Variants in ROBO1 observed in about 807,000 individuals in gnomAD.
The protein encoded by ROBO1 is roundabout homolog 1.
In ROBO1, 149 loss-of-function variants were observed where a neutral mutation model predicts 195.9. That is an observed-to-expected ratio of 0.76 (90% confidence interval 0.67 to 0.87). ROBO1 has a LOEUF of 0.87. Among genes scored for constraint, ROBO1 ranks in the 40% least tolerant of loss-of-function variants. The pLI is 0.00. For synonymous variants in ROBO1, 816 were observed against 733.2 expected (o/e 1.11, Z -1.82); for missense variants, 1,933 against 2,068.3 (o/e 0.93, Z 1.27).
chr3:78,661,123 T>G lies in ROBO1; in HGVS notation c.2227A>C (p.Lys743Gln). The change falls in exon 16 of 31, where the codon AAG becomes CAG. Residue 743 changes from lysine to glutamine, a missense_variant. Around this residue, in one of 3 missense-constraint regions of ROBO1, gnomAD observed 1,737 missense variants for 1,882.5 expected, o/e 0.92. Transcript: ENST00000464233. The part of the protein sequence containing the change: ...KNSVVIPDLR[K>Q]GVNYEIKARP... ...GCCTTAATTTCATAGTTGACTCCCT[T>G]TCTGAGATCAGGGATTACCACACTG... The G allele has an allele frequency of 6.2e-7, 1 of 1,613,818 alleles. No individual in the cohort carries two copies. Among genetic ancestry groups the G allele is most frequent in the Non-Finnish European group, 8.5e-7 (1 of 1,179,832 alleles).
At chr3:79,095,840 T>C (rs2079557035) in intron 3 of ROBO1, among the ~76,000 whole-genome samples, 1 of 152,042 alleles carries the variant, frequency 6.6e-6, no homozygotes, top group Non-Finnish European at 1.5e-5. Context: ...TTTATGTGAC[T>C]CTTGGAGGTT....
At chr3:78,973,791 A>G (rs1435640693) in intron 3 of ROBO1, among the ~76,000 whole-genome samples, 1 of 151,828 alleles carries the variant, frequency 6.6e-6, no homozygotes, top group African/African-American at 2.4e-5. Flanking sequence ...AATATCGCAT[A>G]TTTATCATAT....
chr3:79,460,350 C>G (rs1230300207), intron 2 of ROBO1, among the ~76,000 whole-genome samples: 1 of 152,134 alleles, frequency 6.6e-6, no homozygotes. Context: ...AAATCTATTA[C>G]CTATCTAACA....
intron 3 of ROBO1, among the ~76,000 whole-genome samples, chr3:79,058,267 C>T (rs1235225946): frequency 1.3e-5 from 2 of 152,036 alleles, no homozygotes; most frequent in Non-Finnish European, 2.9e-5. Flanking sequence ...AACAATTGCT[C>T]CTCTGGCCAA....
intron 4 of ROBO1, among the ~76,000 whole-genome samples, chr3:78,801,834 A>G (rs1439036448): frequency 6.6e-6 from 1 of 152,192 alleles, no homozygotes; most frequent in Non-Finnish European, 1.5e-5. Context: ...TTTGTGGGAC[A>G]TTTACAAATG....
chr3:79,147,875 AT>A (rs1276449859), intron 2 of ROBO1, among the ~76,000 whole-genome samples: 2 of 151,944 alleles, frequency 1.3e-5, no homozygotes, highest in Non-Finnish European at 2.9e-5. Context: ...GTAAAACCAG[AT>A]TTTAATTCTC....
At chr3:79,625,413 T>C (rs1283239051) in intron 1 of ROBO1, among the ~76,000 whole-genome samples, 2 of 38,150 alleles carry the variant, frequency 5.2e-5, no homozygotes, top group African/African-American at 1.1e-4. Context: ...ATCCAGTAGC[T>C]GTTTTTTTTG....
chr3:78,761,225 A>T (rs2083095778), intron 4 of ROBO1, among the ~76,000 whole-genome samples: 1 of 148,564 alleles, frequency 6.7e-6, no homozygotes, highest in Admixed American at 6.9e-5. Context: ...CAACTTGTTT[A>T]AAAAACTATA....
At chr3:79,239,108 T>C (rs937129562) in intron 2 of ROBO1, among the ~76,000 whole-genome samples, 5 of 152,156 alleles carry the variant, frequency 3.3e-5, no homozygotes, top group African/African-American at 1.2e-4. Flanking sequence ...AACCAGTAGG[T>C]CTGAATTATG....
At chr3:78,849,348 T>C (rs539878469) in intron 4 of ROBO1, among the ~76,000 whole-genome samples, 35 of 152,250 alleles carry the variant, frequency 2.3e-4, no homozygotes, top group Admixed American at 1.2e-3. Flanking sequence ...AACCTCGGTA[T>C]TTTGGACCCC....
chr3:78,882,757 G>A (rs186066693), intron 4 of ROBO1, among the ~76,000 whole-genome samples: 1 of 150,922 alleles, frequency 6.6e-6, no homozygotes, highest in East Asian at 2.0e-4. Context: ...AACTACTTGG[G>A]GAAAATATTT....
At chr3:79,741,057 T>C (rs1050932105) in intron 1 of ROBO1, among the ~76,000 whole-genome samples, 4 of 152,148 alleles carry the variant, frequency 2.6e-5, no homozygotes. Flanking sequence ...TAAGACTTAG[T>C]TTTGCCAAGG....
At chr3:79,312,016 T>C (rs1020764078) in intron 2 of ROBO1, among the ~76,000 whole-genome samples, 9 of 152,132 alleles carry the variant, frequency 5.9e-5, no homozygotes, top group Non-Finnish European at 1.5e-5. Flanking sequence ...TCCCAACATA[T>C]TTCTGGCACC....
At chr3:79,556,538 A>G (rs953140931) in intron 2 of ROBO1, among the ~76,000 whole-genome samples, 3 of 152,080 alleles carry the variant, frequency 2.0e-5, no homozygotes, top group African/African-American at 4.8e-5. Flanking sequence ...AAGTGAAGGT[A>G]ATTACTTTTT....
At chr3:79,084,437 G>A (rs1421608101) in intron 3 of ROBO1, among the ~76,000 whole-genome samples, 1 of 152,166 alleles carries the variant, frequency 6.6e-6, no homozygotes, top group Non-Finnish European at 1.5e-5. Context: ...GGCAGAGGTT[G>A]CAGTGAGCCG....
chr3:79,160,264 T>C (rs1210110757), intron 2 of ROBO1, among the ~76,000 whole-genome samples: 2 of 147,440 alleles, frequency 1.4e-5, no homozygotes, highest in Non-Finnish European at 3.0e-5. Context: ...GTGTGTGTTG[T>C]AGCATGACTA....
intron 2 of ROBO1, among the ~76,000 whole-genome samples, chr3:79,552,798 G>A (rs986479695): frequency 1.3e-5 from 2 of 152,048 alleles, no homozygotes; most frequent in African/African-American, 4.8e-5. Context: ...AGAAAATGCA[G>A]CATTGCTCAT....
intron 3 of ROBO1, among the ~76,000 whole-genome samples, chr3:79,037,119 G>C (rs1203247043): frequency 6.6e-6 from 1 of 152,084 alleles, no homozygotes; most frequent in African/African-American, 2.4e-5. Context: ...AAGCAGACTA[G>C]CAAATAGGGT....
At chr3:78,600,083 T>C (rs1703079210) in intron 30 of ROBO1, 30 bp downstream of exon 30, 5 of 1,555,946 alleles carry the variant, frequency 3.2e-6, no homozygotes, top group East Asian at 2.2e-5. Context: ...CAGTCTAACA[T>C]TGGTAAACTT....
Sources: gnomAD v4.1 joint callset for allele counts (sites outside exome capture counted in the v4.1 genomes callset) on GRCh38, gnomAD v4.1.1 for gene constraint, gnomAD v4.1.1 regional missense constraint, MANE v1.5 for transcripts, NCBI Gene and HGNC (gene_info 2026-07-23, HGNC 2026-07-21) for gene names.